PACRG: variants seen among roughly 807,000 people sequenced by gnomAD.
The protein encoded by PACRG is parkin coregulated, also known as parkin coregulated gene protein.
A neutral mutation model predicts 29.7 loss-of-function variants in PACRG; 29 were observed. The ratio of observed to expected loss-of-function variants is 0.98; its 90% CI spans 0.73 to 1.33. PACRG has a LOEUF of 1.33. PACRG is among the 40% of genes most tolerant of loss of function. PACRG has a pLI of 0.00. For synonymous variants in PACRG, 116 were observed against 118.7 expected (o/e 0.98, Z 0.15); for missense variants, 279 against 316.2 (o/e 0.88, Z 0.89).
In PACRG at chr6:163,315,095, G is replaced by C; in HGVS notation, c.*108G>C. ...GACTTCCACAGCTTTCTTTTCTACA[G>C]CTGCTAAAATAGTGGCTTATGGGCC... On this transcript the variant is annotated 3_prime_UTR_variant, in exon 5 of 5. Coordinates refer to ENST00000366888, the MANE Select transcript of PACRG (RefSeq NM_001080379.2). 7.4e-7 allele frequency: 1 copy of C among 1,344,700 alleles called. No homozygotes were observed. The highest frequency in any genetic ancestry group is 2.2e-5 in the Admixed American group (1 of 44,520). 83.3% of individuals were successfully genotyped at this position (1,344,700 alleles called of 1,614,324 possible). A position where few individuals can be genotyped will look rare whatever the true frequency, so the allele number is the denominator to read the frequency against.
intron 2 of PACRG, among the ~76,000 whole-genome samples, chr6:162,978,553 C>A (rs1022111603): frequency 1.1e-4 from 17 of 152,066 alleles, no homozygotes; most frequent in African/African-American, 4.1e-4. Flanking sequence ...CAAATACACT[C>A]CCAGTTGTTG....
intron 4 of PACRG, among the ~76,000 whole-genome samples, chr6:163,269,069 A>G (rs949760535): frequency 1.3e-5 from 2 of 152,250 alleles, no homozygotes; most frequent in Non-Finnish European, 2.9e-5. Flanking sequence ...GAGAGTGTCA[A>G]CAAGAACTGG....
At chr6:162,890,711 G>A (rs1794690074) in intron 2 of PACRG, among the ~76,000 whole-genome samples, 1 of 152,144 alleles carries the variant, frequency 6.6e-6, no homozygotes, top group Admixed American at 6.5e-5. Context: ...TGCCCCACGT[G>A]GGCATTCTCC....
chr6:163,145,837 C>A (rs1020488417), intron 4 of PACRG, among the ~76,000 whole-genome samples: 1 of 152,146 alleles, frequency 6.6e-6, no homozygotes, highest in East Asian at 1.9e-4. Flanking sequence ...TTGGGTGTGT[C>A]TAGGGGGCAC....
intron 4 of PACRG, among the ~76,000 whole-genome samples, chr6:163,246,380 T>C (rs971788327): frequency 7.2e-5 from 11 of 152,108 alleles, no homozygotes; most frequent in Non-Finnish European, 1.3e-4. Flanking sequence ...ATGGCTCCTT[T>C]CTCCTTTTTG....
intron 3 of PACRG, among the ~76,000 whole-genome samples, chr6:163,083,724 G>A (rs1169338758): frequency 1.3e-5 from 2 of 152,076 alleles, no homozygotes; most frequent in African/African-American, 4.8e-5. Context: ...GGTTGTGATA[G>A]CTATTTGTAT....
At chr6:163,275,868 CAA>C (rs988483348) in intron 4 of PACRG, among the ~76,000 whole-genome samples, 4 of 152,154 alleles carry the variant, frequency 2.6e-5, no homozygotes, top group Non-Finnish European at 4.4e-5. Flanking sequence ...AGCATGAAGT[CAA>C]AGTGTCAGTG....
chr6:163,128,884 T>C (rs1340564652), intron 4 of PACRG, among the ~76,000 whole-genome samples: 1 of 152,224 alleles, frequency 6.6e-6, no homozygotes, highest in African/African-American at 2.4e-5. Flanking sequence ...AAAGAACGTA[T>C]AATAAAAAAG....
chr6:162,755,249 G>C (rs1417041509), intron 1 of PACRG, among the ~76,000 whole-genome samples: 4 of 151,566 alleles, frequency 2.6e-5, no homozygotes. Context: ...CTGTTAGTTT[G>C]GTTGTTTTTA....
At chr6:163,122,587 G>A (rs1053993489) in intron 4 of PACRG, among the ~76,000 whole-genome samples, 6 of 152,160 alleles carry the variant, frequency 3.9e-5, no homozygotes, top group South Asian at 4.1e-4. Flanking sequence ...TGATCCCTTC[G>A]CAACAGCTCC....
intron 2 of PACRG, among the ~76,000 whole-genome samples, chr6:163,001,738 T>G (rs895099204): frequency 6.6e-6 from 1 of 152,236 alleles, no homozygotes; most frequent in Non-Finnish European, 1.5e-5. Flanking sequence ...GGGCTTAAGC[T>G]GTAGACAGCA....
intron 2 of PACRG, among the ~76,000 whole-genome samples, chr6:162,825,362 A>G (rs1788187761): frequency 6.6e-6 from 1 of 152,144 alleles, no homozygotes; most frequent in Admixed American, 6.5e-5. Context: ...CAGCTTTCAC[A>G]TCTCTGCATC....
intron 1 of PACRG, among the ~76,000 whole-genome samples, chr6:162,811,563 G>GA (rs1378791686): frequency 2.0e-5 from 3 of 152,054 alleles, no homozygotes; most frequent in East Asian, 1.9e-4. Flanking sequence ...GAAAAAAATT[G>GA]AAAAAATTGA....
intron 1 of PACRG, among the ~76,000 whole-genome samples, chr6:162,794,828 A>T (rs1248325745): frequency 6.6e-6 from 1 of 152,238 alleles, no homozygotes; most frequent in African/African-American, 2.4e-5. Flanking sequence ...ATGATTCCTC[A>T]TGGAGCTTAT....
At chr6:162,815,442 A>G (rs1787253796) in intron 2 of PACRG, among the ~76,000 whole-genome samples, 1 of 150,308 alleles carries the variant, frequency 6.7e-6, no homozygotes, top group Non-Finnish European at 1.5e-5. Context: ...ATTGTTATCA[A>G]ACATTTCTAA....
chr6:163,098,443 T>C (rs980529108), intron 4 of PACRG, among the ~76,000 whole-genome samples: 1 of 152,190 alleles, frequency 6.6e-6, no homozygotes, highest in Non-Finnish European at 1.5e-5. Flanking sequence ...AACAGAGGGC[T>C]CGTCCCTCCG....
At chr6:163,005,753 G>T (rs1805003975) in intron 2 of PACRG, among the ~76,000 whole-genome samples, 1 of 148,914 alleles carries the variant, frequency 6.7e-6, no homozygotes, top group South Asian at 2.1e-4. Context: ...TGCAATGAAA[G>T]CTCTGAAATT....
rs572614622 is a variant in PACRG, at chr6:163,007,023, G to A, written c.292-55127G>A. On this transcript the variant is annotated intron_variant, in intron 2 of 4. Coordinates refer to ENST00000366888, the MANE Select transcript of PACRG (RefSeq NM_001080379.2). ...GTTTTTCCTTTTGTTAAAATCTTCT[G>A]TTGGGTTAAGTATTTTTTATGATTC... 5.3e-5 allele frequency among the ~76,000 whole-genome samples: 8 copies of A among 151,596 alleles called. No individual in the cohort carries two copies. The South Asian group carries it at 1.5e-3, about 28-fold the overall frequency.
intron 3 of PACRG, among the ~76,000 whole-genome samples, chr6:163,065,185 T>C (rs1011562238): frequency 5.3e-5 from 8 of 152,250 alleles, no homozygotes; most frequent in Non-Finnish European, 1.2e-4. Flanking sequence ...ACCTTTCTGA[T>C]TTCCATCTTG....
Sources: allele counts gnomAD v4.1 joint callset (sites outside exome capture counted in the v4.1 genomes callset), GRCh38; gene constraint gnomAD v4.1.1; transcripts MANE v1.5; gene names NCBI Gene and HGNC (gene_info 2026-07-23, HGNC 2026-07-21).